The following NECTIN1 variants were observed in gnomAD, a reference collection of about 807,000 sequenced individuals.
The protein encoded by NECTIN1 is nectin cell adhesion molecule 1, also known as nectin-1.
NECTIN1 carries 23 observed loss-of-function variants against 48.0 expected under a neutral mutation model. The observed-to-expected ratio is 0.48, with a 90% confidence interval of 0.34 to 0.68. NECTIN1 has a LOEUF of 0.68. Ranked by LOEUF, NECTIN1 falls within the 30% of genes least tolerant of loss-of-function variation. The probability of loss-of-function intolerance (pLI) is 0.01; values close to 1 mark genes in which losing one functional copy is unlikely to be tolerated. For synonymous variants in NECTIN1, 270 were observed against 288.9 expected (o/e 0.93, Z 0.66); for missense variants, 591 against 709.9 (o/e 0.83, Z 1.90).
Position 119,673,419 on chromosome 11 carries a change from G to T in NECTIN1, c.1003+1740C>A, listed in dbSNP as rs1864892598. On this transcript the variant is annotated intron_variant, in intron 5 of 5. Coordinates refer to ENST00000264025, the MANE Select transcript of NECTIN1 (RefSeq NM_002855.5). The surrounding 1 kb of genome is among the most constrained non-coding windows in gnomAD (Gnocchi z 5.8). The stretch of plus-strand genomic sequence containing the variant: ...TCCAGCTGGGACCCTAGGTGGCCCG[G>T]CCCTCCTGCCCCCAGCCCACACCCC... Among the ~76,000 whole-genome samples the T allele has an allele frequency of 6.6e-6, 1 of 152,154 alleles. No homozygotes were observed. Among genetic ancestry groups the T allele is most frequent in the African/African-American group, 2.4e-5 (1 of 41,440 alleles).
intron 1 of NECTIN1, among the ~76,000 whole-genome samples, chr11:119,720,144 C>T (rs1452638070): frequency 6.6e-6 from 1 of 152,206 alleles, no homozygotes; most frequent in Non-Finnish European, 1.5e-5. Context: ...TGAGGATGTG[C>T]CACCATCCTC....
At chr11:119,685,292 C>G (rs571276011) in intron 1 of NECTIN1, among the ~76,000 whole-genome samples, 1 of 152,250 alleles carries the variant, frequency 6.6e-6, no homozygotes, top group Non-Finnish European at 1.5e-5. Flanking sequence ...CCCCCCAACT[C>G]CCCACATGGA....
chr11:119,657,207 C>T (rs939304855), downstream of NECTIN1, among the ~76,000 whole-genome samples: 2 of 152,218 alleles, frequency 1.3e-5, no homozygotes, highest in African/African-American at 4.8e-5. Context: ...CTTCCCACCC[C>T]TTCAGTCCTA....
At chr11:119,641,889 ATT>A (rs201284141) in intron 5 of NECTIN1, 3 of 144,190 alleles carry the variant, frequency 2.1e-5, no homozygotes, top group East Asian at 2.0e-4. Context: ...GGCCCGGCTA[ATT>A]TTTTTTTTTT....
Position 119,664,412 on chromosome 11 carries a change from C to G in NECTIN1, c.*335G>C. 3.6e-6 allele frequency: 4 copies of G among 1,105,392 alleles called. No individual in the cohort carries two copies. Among genetic ancestry groups the G allele is most frequent in the Non-Finnish European group, 4.4e-6 (4 of 905,582 alleles). 68.5% of individuals were successfully genotyped at this position (1,105,392 alleles called of 1,614,324 possible). A position where few individuals can be genotyped will look rare whatever the true frequency, so the allele number is the denominator to read the frequency against. On this transcript the variant is annotated 3_prime_UTR_variant, in exon 6 of 6. Transcript: ENST00000264025. ...AGGGGGGCGGGGGAGGCTGGCTCCC[C>G]AAACCCTGGAGGGATGCCCAGGTAC...
At chr11:119,713,673 G>A (rs895732771) in intron 1 of NECTIN1, 3 of 359,248 alleles carry the variant, frequency 8.4e-6, no homozygotes, top group Non-Finnish European at 1.7e-5. Context: ...TGGGACCGCA[G>A]TGATTGAAAC....
At chr11:119,649,733 A>G (rs1208232622) in intron 5 of NECTIN1, among the ~76,000 whole-genome samples, 1 of 152,196 alleles carries the variant, frequency 6.6e-6, no homozygotes, top group South Asian at 2.1e-4. Flanking sequence ...AAAAACAGGA[A>G]ATATAAAAAC....
intron 1 of NECTIN1, among the ~76,000 whole-genome samples, chr11:119,724,115 T>C (rs988729379): frequency 2.0e-5 from 3 of 152,150 alleles, no homozygotes; most frequent in African/African-American, 7.2e-5. Flanking sequence ...GGACCAAAGC[T>C]CATGCTCACA....
In NECTIN1 at chr11:119,673,934, T is replaced by A. The variant is rs556802101; in HGVS notation, c.1003+1225A>T. 6.6e-6 allele frequency among the ~76,000 whole-genome samples: 1 copy of A among 152,272 alleles called. No individual in the cohort carries two copies. Among genetic ancestry groups the A allele is most frequent in the African/African-American group, 2.4e-5 (1 of 41,562 alleles). On this transcript the variant is annotated intron_variant, in intron 5 of 5. Coordinates refer to ENST00000264025, the MANE Select transcript of NECTIN1 (RefSeq NM_002855.5). The surrounding 1 kb of genome is among the most constrained non-coding windows in gnomAD (Gnocchi z 5.8). ...CTAGTCTCGGGGCCAAGGCCAGGGATTGCAGACAACAGCAGGTGGCTCCAC... is the reference window on the plus strand; with the variant it reads ...CTAGTCTCGGGGCCAAGGCCAGGGAATGCAGACAACAGCAGGTGGCTCCAC...
At chr11:119,685,331 CG>C (rs1865137406) in intron 1 of NECTIN1, among the ~76,000 whole-genome samples, 1 of 152,200 alleles carries the variant, frequency 6.6e-6, no homozygotes, top group African/African-American at 2.4e-5. Context: ...GTGGAGCTGG[CG>C]CCCGGCGCCT....
rs1565375774 is a variant in NECTIN1, at chr11:119,647,182, TGTGTGTGTGTGTGTG to T, written c.1004-7185_1004-7171del. On this transcript the variant is annotated intron_variant, in intron 5 of 7. Coordinates refer to the NECTIN1 transcript ENST00000341398. ...GCGCATGTGTGTGTGTGTGTGTGTG[TGTGTGTGTGTGTGTG>T]TGTGTGTGTGTGTGTGTGTGTGTGT... Among the ~76,000 whole-genome samples the T allele has an allele frequency of 2.6e-5, 3 of 115,716 alleles. No individual in the cohort carries two copies. In the East Asian group the frequency reaches 8.8e-4, roughly 34 times the overall value. 75.9% of individuals were successfully genotyped at this position (115,716 alleles called of 152,430 possible). A position where few individuals can be genotyped will look rare whatever the true frequency, so the allele number is the denominator to read the frequency against.
intron 1 of NECTIN1, among the ~76,000 whole-genome samples, chr11:119,708,294 G>A (rs1280477561): frequency 3.3e-5 from 5 of 151,960 alleles, no homozygotes; most frequent in African/African-American, 1.2e-4. Context: ...AAGCTTGGAT[G>A]TGGCGAAAGC....
In NECTIN1 at chr11:119,665,203, C is replaced by T. The variant is rs138744208; in HGVS notation, c.1098G>A (p.Leu366=). 7 of 1,607,448 alleles carry T rather than the reference C, an allele frequency of 4.4e-6. No individual in the cohort carries two copies. Among genetic ancestry groups the T allele is most frequent in the Non-Finnish European group, 5.9e-6 (7 of 1,179,670 alleles). ...CGATCCCGCCGACCACAATCAACAC[C>T]AGCAGGATGCTCCCCGCCACGCCCC... is the stretch of plus-strand genomic sequence containing the variant. ...IIGGVAGSIL[L]VLIVVGGIVV... The change falls in exon 6 of 6, where the codon CTG becomes CTA. Residue 366 remains leucine (L), a synonymous_variant. Transcript: ENST00000264025. This position sits in a 1 kb window ranked among gnomAD's most constrained non-coding sequence, Gnocchi z 5.1.
rs1029791796 is a variant in NECTIN1 at position 119,672,199 on chromosome 11, C to G, written c.1003+2960G>C. Among the ~76,000 whole-genome samples, 17 of 151,776 alleles carry G rather than the reference C, an allele frequency of 1.1e-4. No individual in the cohort carries two copies. Among genetic ancestry groups the G allele is most frequent in the African/African-American group, 3.7e-4 (15 of 41,074 alleles). ...CACCCTGGGATGGACATCCTACACCCTGGCAGCCTCCCTGTCCTGCTCTTG... is the reference window on the plus strand; with the variant it reads ...CACCCTGGGATGGACATCCTACACCGTGGCAGCCTCCCTGTCCTGCTCTTG... On this transcript the variant is annotated intron_variant, in intron 5 of 5. Coordinates refer to ENST00000264025, the MANE Select transcript of NECTIN1 (RefSeq NM_002855.5). The surrounding 1 kb of genome is among the most constrained non-coding windows in gnomAD (Gnocchi z 4.3).
intron 1 of NECTIN1, among the ~76,000 whole-genome samples, chr11:119,711,813 A>G (rs1865652794): frequency 6.6e-6 from 1 of 152,252 alleles, no homozygotes; most frequent in Non-Finnish European, 1.5e-5. Context: ...GGCTGGTTGC[A>G]GTGAAGGCCT....
At chr11:119,679,070 A>G (rs1450522473) in intron 1 of NECTIN1, among the ~76,000 whole-genome samples, 2 of 152,230 alleles carry the variant, frequency 1.3e-5, no homozygotes, top group African/African-American at 4.8e-5. Flanking sequence ...CATGCTGTAC[A>G]TATTATCCCA....
At chr11:119,722,399 G>A (rs1444050690) in intron 1 of NECTIN1, among the ~76,000 whole-genome samples, 4 of 152,218 alleles carry the variant, frequency 2.6e-5, no homozygotes, top group Admixed American at 1.3e-4. Flanking sequence ...ATCATCTCAC[G>A]GGGTGAGTGG....
chr11:119,657,564 G>A (rs191180097), downstream of NECTIN1, among the ~76,000 whole-genome samples: 71 of 145,280 alleles, frequency 4.9e-4, no homozygotes, highest in African/African-American at 1.4e-3. Flanking sequence ...GCAGTGAGCC[G>A]AAATTGCACC....
intron 1 of NECTIN1, among the ~76,000 whole-genome samples, chr11:119,703,932 T>C (rs915951896): frequency 6.6e-6 from 1 of 152,216 alleles, no homozygotes; most frequent in Admixed American, 6.5e-5. Context: ...GGAATGGCGC[T>C]CACAGGGAGA....
Sources: gnomAD v4.1 joint callset for allele counts (sites outside exome capture counted in the v4.1 genomes callset) on GRCh38, gnomAD v4.1.1 for gene constraint, Gnocchi (gnomAD v3.1) non-coding constraint, MANE v1.5 for transcripts, NCBI Gene and HGNC (gene_info 2026-07-23, HGNC 2026-07-21) for gene names.